The following PCDHGA6 variants were observed in gnomAD, a reference collection of about 807,000 sequenced individuals.
The protein encoded by PCDHGA6 is protocadherin gamma subfamily A, 6, also known as protocadherin gamma-A6.
Under a neutral mutation model 60.6 loss-of-function variants are expected in PCDHGA6, and 41 were observed. The observed-to-expected ratio is 0.68, with a 90% CI of 0.53 to 0.88. The LOEUF (loss-of-function observed/expected upper bound fraction) is 0.88, where lower values mean the gene tolerates loss of function less well. PCDHGA6 is among the 40% of genes least tolerant of loss of function. The pLI, the probability that PCDHGA6 is intolerant of heterozygous loss-of-function variation, is 0.00. For missense variants in PCDHGA6, 1,312 were observed against 1,203.0 expected (o/e 1.09, Z -1.34); for synonymous variants, 594 against 524.4 (o/e 1.13, Z -1.81).
chr5:141,499,689 CTTTTTTTTT>C (rs545067566), intron 2 of PCDHGA6, among the ~76,000 whole-genome samples: 2 of 119,856 alleles, frequency 1.7e-5, no homozygotes, highest in African/African-American at 6.2e-5. Flanking sequence ...TAACAGATGA[CTTTTTTTTT>C]TTTTTTTTTT....
At position 141,491,423 on chromosome 5, in the gene PCDHGA6, G is replaced by A; in HGVS notation, c.2425-3384G>A. The A allele has an allele frequency of 3.1e-6, 5 of 1,614,126 alleles. No homozygotes were observed. Among genetic ancestry groups the A allele is most frequent in the Non-Finnish European group, 4.2e-6 (5 of 1,180,036 alleles). ...AACGCAGACGGGGACGGGGGTGGAGGGCAGTGCTGCAGGCGCCAGGACTCA... is the reference window on the plus strand; with the variant it reads ...AACGCAGACGGGGACGGGGGTGGAGAGCAGTGCTGCAGGCGCCAGGACTCA... On this transcript the variant is annotated intron_variant, in intron 1 of 3. Transcript: ENST00000517434. The surrounding 1 kb of genome is among the most constrained non-coding windows in gnomAD (Gnocchi z 6.9).
chr5:141,466,885 G>A (rs997982577), intron 1 of PCDHGA6, among the ~76,000 whole-genome samples: 3 of 151,938 alleles, frequency 2.0e-5, no homozygotes, highest in Non-Finnish European at 4.4e-5. Context: ...TTCATAATAT[G>A]CATTTTCCAT....
intron 1 of PCDHGA6, chr5:141,430,923 A>C (rs2097325574): frequency 6.2e-7 from 1 of 1,607,168 alleles, no homozygotes; most frequent in African/African-American, 1.3e-5. Context: ...CTGGGGCTGG[A>C]GCCCCGGGAG....
intron 1 of PCDHGA6, among the ~76,000 whole-genome samples, chr5:141,469,599 A>G (rs2099206392): frequency 6.6e-6 from 1 of 152,192 alleles, no homozygotes; most frequent in Non-Finnish European, 1.5e-5. Flanking sequence ...ATAAAACAAA[A>G]TAAGTAAAAT....
chr5:141,447,312 G>C (rs2098534178), intron 1 of PCDHGA6, among the ~76,000 whole-genome samples: 2 of 151,918 alleles, frequency 1.3e-5, no homozygotes, highest in African/African-American at 2.4e-5. Flanking sequence ...GCTAATTTTT[G>C]TATTTTTAGT....
At chr5:141,497,214 G>C (rs929868102) in intron 2 of PCDHGA6, among the ~76,000 whole-genome samples, 2 of 152,138 alleles carry the variant, frequency 1.3e-5, no homozygotes, top group African/African-American at 4.8e-5. Flanking sequence ...TGTAATGGGG[G>C]GGGGAAGATC....
intron 1 of PCDHGA6, chr5:141,419,616 A>G (rs1291494618): frequency 6.2e-7 from 1 of 1,612,086 alleles, no homozygotes; most frequent in African/African-American, 1.3e-5. Flanking sequence ...CAGCCAGGCT[A>G]CCTGGTGACC....
intron 1 of PCDHGA6, chr5:141,376,898 A>G (rs1251182955): frequency 5.2e-6 from 1 of 193,904 alleles, no homozygotes; most frequent in East Asian, 1.4e-4. Context: ...CTTGTTAGCC[A>G]GGATGGTCTC....
intron 1 of PCDHGA6, among the ~76,000 whole-genome samples, chr5:141,481,008 A>G (rs2099529606): frequency 6.6e-6 from 1 of 152,224 alleles, no homozygotes; most frequent in Non-Finnish European, 1.5e-5. Context: ...CAGTGAGCCC[A>G]GATCACACCA....
chr5:141,393,635 C>T, intron 1 of PCDHGA6: 2 of 1,613,868 alleles, frequency 1.2e-6, no homozygotes, highest in East Asian at 4.5e-5. Context: ...AGGGAATCAA[C>T]GGAAAAGTGG....
In PCDHGA6 at chr5:141,432,142, C is replaced by T; in HGVS notation, c.2424+55635C>T. 1 of 1,614,098 alleles carries T rather than the reference C, an allele frequency of 6.2e-7. No individual in the cohort carries two copies. Among genetic ancestry groups the T allele is most frequent in the Non-Finnish European group, 8.5e-7 (1 of 1,180,016 alleles). On this transcript the variant is annotated intron_variant, in intron 1 of 3. Transcript: ENST00000517434. This position sits in a 1 kb window ranked among gnomAD's most constrained non-coding sequence, Gnocchi z 6.0. Reference sequence around the variant, plus strand: ...CTCAGGCCTCCTATTCCGCTTATATCCCAGAGAACAATCCCAGAGGAGTTT... The same window carrying T: ...CTCAGGCCTCCTATTCCGCTTATATTCCAGAGAACAATCCCAGAGGAGTTT...
At chr5:141,418,409 G>C in intron 1 of PCDHGA6, 4 of 1,613,910 alleles carry the variant, frequency 2.5e-6, no homozygotes, top group Admixed American at 1.7e-5. Context: ...GGTGGAGAAA[G>C]ACAATCCTGA....
intron 1 of PCDHGA6, chr5:141,407,995 C>A: frequency 1.2e-6 from 1 of 869,524 alleles, no homozygotes. Flanking sequence ...AGCCTCTGGC[C>A]TGGGATTCCC....
At chr5:141,383,213 A>C in intron 1 of PCDHGA6, 1 of 1,614,012 alleles carries the variant, frequency 6.2e-7, no homozygotes, top group Non-Finnish European at 8.5e-7. Flanking sequence ...TGTCTGGTAA[A>C]CTTTAACATC....
chr5:141,398,861 A>G, intron 1 of PCDHGA6: 1 of 1,613,990 alleles, frequency 6.2e-7, no homozygotes, highest in South Asian at 1.1e-5. Flanking sequence ...TTCAACCGAG[A>G]CGTGTACAGA....
chr5:141,428,846 A>G (rs936271540), intron 1 of PCDHGA6: 1 of 143,414 alleles, frequency 7.0e-6, no homozygotes, highest in Non-Finnish European at 1.5e-5. Flanking sequence ...CATTTTCACC[A>G]TTTTTACGGG....
intron 1 of PCDHGA6, chr5:141,383,969 C>G (rs981868963): frequency 6.2e-7 from 1 of 1,613,732 alleles, no homozygotes; most frequent in Non-Finnish European, 8.5e-7. Context: ...AGCTCAATCC[C>G]TGAAGACACA....
chr5:141,421,092 C>T, intron 1 of PCDHGA6: 1 of 663,988 alleles, frequency 1.5e-6, no homozygotes, highest in Non-Finnish European at 2.5e-6. Flanking sequence ...CAGATCCTGA[C>T]ACTGGAGACT....
chr5:141,400,011 G>A (rs200842238), intron 1 of PCDHGA6: 35 of 1,612,624 alleles, frequency 2.2e-5, no homozygotes, highest in African/African-American at 4.0e-5. Context: ...CGCGTGCCTT[G>A]GGCGACAGGG....
Sources: allele counts gnomAD v4.1 joint callset (sites outside exome capture counted in the v4.1 genomes callset), GRCh38; gene constraint gnomAD v4.1.1; non-coding constraint Gnocchi (gnomAD v3.1); transcripts MANE v1.5; gene names NCBI Gene and HGNC (gene_info 2026-07-23, HGNC 2026-07-21).